Variants in SIPA1L2 observed in about 807,000 individuals in gnomAD.
The protein encoded by SIPA1L2 is signal induced proliferation associated 1 like 2, also known as signal-induced proliferation-associated 1-like protein 2.
In SIPA1L2, 56 loss-of-function variants were observed where a neutral mutation model predicts 163.9. The ratio of observed to expected loss-of-function variants is 0.34; its 90% CI spans 0.28 to 0.43. The LOEUF (loss-of-function observed/expected upper bound fraction) is 0.43, where lower values mean the gene tolerates loss of function less well. Among genes scored for constraint, SIPA1L2 ranks in the 20% least tolerant of loss-of-function variants. SIPA1L2 has a pLI of 1.00. For missense variants in SIPA1L2, 1,974 were observed against 2,193.5 expected (o/e 0.90, Z 2.00); for synonymous variants, 877 against 865.7 (o/e 1.01, Z -0.23).
At chr1:232,443,719 T>TG in intron 11 of SIPA1L2, 34 bp from the exon 12 acceptor site, 2 of 1,562,938 alleles carry the variant, frequency 1.3e-6, no homozygotes, top group South Asian at 2.3e-5. Flanking sequence ...AACAGGGCAC[T>TG]GAACTATCTG....
chr1:232,561,473 TGGGTTG>T (rs1659032049), intron 2 of SIPA1L2: 1 of 152,190 alleles, frequency 6.6e-6, no homozygotes, highest in Non-Finnish European at 1.5e-5. Flanking sequence ...CATTACCTTT[TGGGTTG>T]GAGCTGGATA....
chr1:232,503,296 T>C (rs116151911), intron 3 of SIPA1L2, among the ~76,000 whole-genome samples: 1,933 of 152,280 alleles, frequency 0.013, 46 homozygotes, highest in African/African-American at 0.043. Flanking sequence ...CTGTGGTGCA[T>C]TGTAACTGTT....
intron 2 of SIPA1L2, among the ~76,000 whole-genome samples, chr1:232,551,026 A>C (rs1053293831): frequency 2.2e-4 from 33 of 152,156 alleles, no homozygotes; most frequent in Admixed American, 6.5e-5. Context: ...AAAAAAATCA[A>C]GCCCGAATGG....
intron 16 of SIPA1L2, among the ~76,000 whole-genome samples, chr1:232,431,122 C>T (rs1662212248): frequency 1.3e-5 from 2 of 152,262 alleles, no homozygotes; most frequent in East Asian, 1.9e-4. Context: ...CATAGTACTA[C>T]GGCGACATAT....
intron 17 of SIPA1L2, 59 bp from the exon 18 acceptor site, chr1:232,425,867 C>T: frequency 6.9e-7 from 1 of 1,440,018 alleles, no homozygotes; most frequent in South Asian, 1.2e-5. Context: ...ATGCACGGGG[C>T]TTGTTGGACT....
intron 8 of SIPA1L2, 62 bp downstream of exon 8, chr1:232,471,309 G>C (rs1471908997): frequency 2.0e-5 from 30 of 1,512,760 alleles, no homozygotes; most frequent in African/African-American, 4.3e-5. Flanking sequence ...AGATATTTTT[G>C]GGAAAAGACG....
chr1:232,593,781 T>A (rs1017798982), intron 1 of SIPA1L2, among the ~76,000 whole-genome samples: 7 of 152,270 alleles, frequency 4.6e-5, no homozygotes, highest in Admixed American at 4.6e-4. Flanking sequence ...TCGTGTCAAA[T>A]AAGCAATATT....
rs906401501 is a variant in SIPA1L2, at chr1:232,464,719, T to C, written c.2820+121A>G. 2.3e-5 allele frequency: 19 copies of C among 816,316 alleles called. 1 individual carries two copies. The South Asian group carries it at 3.0e-4, about 13-fold the overall frequency. 50.6% of individuals were successfully genotyped at this position (816,316 alleles called of 1,614,324 possible). On this transcript the variant is annotated intron_variant, in intron 9 of 22. Coordinates refer to ENST00000674635, the MANE Select transcript of SIPA1L2 (RefSeq NM_020808.5). ...CATTTAAAATTAAGCTCTGTATCTG[T>C]AACAAATAGTAATGCATTCCCTAAT...
At chr1:232,412,383 G>A (rs1426647458) in intron 19 of SIPA1L2, among the ~76,000 whole-genome samples, 2 of 152,172 alleles carry the variant, frequency 1.3e-5, no homozygotes, top group African/African-American at 4.8e-5. Context: ...ATTATTCCAA[G>A]GAAGTCTGAG....
At chr1:232,420,157 A>C (rs1362283446) in intron 18 of SIPA1L2, among the ~76,000 whole-genome samples, 4 of 152,038 alleles carry the variant, frequency 2.6e-5, no homozygotes, top group African/African-American at 9.7e-5. Flanking sequence ...CCCCATTTCT[A>C]CTAAAAATAC....
chr1:232,425,854 C>T (rs773205434), intron 17 of SIPA1L2, 46 bp from the exon 18 acceptor site: 20 of 1,531,894 alleles, frequency 1.3e-5, no homozygotes, highest in Admixed American at 1.7e-5. Context: ...ATTAAAAAAA[C>T]GAATGCACGG....
intron 1 of SIPA1L2, among the ~76,000 whole-genome samples, chr1:232,591,944 T>C (rs979029856): frequency 6.6e-6 from 1 of 152,198 alleles, no homozygotes; most frequent in African/African-American, 2.4e-5. Flanking sequence ...AGCCTAAGCC[T>C]GTAAGTGCCG....
At chr1:232,466,074 G>C (rs1664497685) in intron 8 of SIPA1L2, among the ~76,000 whole-genome samples, 1 of 152,076 alleles carries the variant, frequency 6.6e-6, no homozygotes, top group Admixed American at 6.5e-5. Context: ...AACTAATACA[G>C]GGGGTAACAC....
At chr1:232,434,972 A>G (rs1662467534) in intron 15 of SIPA1L2, among the ~76,000 whole-genome samples, 1 of 152,218 alleles carries the variant, frequency 6.6e-6, no homozygotes, top group Admixed American at 6.5e-5. Context: ...CTAACAGTCC[A>G]CATGCTAGTT....
chr1:232,630,495 A>G (rs1004989160), upstream of SIPA1L2, among the ~76,000 whole-genome samples: 3 of 152,240 alleles, frequency 2.0e-5, 1 homozygote, highest in East Asian at 3.9e-4. Flanking sequence ...CCTCTGAGGA[A>G]TAAGTTAAAA....
At chr1:232,485,661 C>T (rs1665609559) in intron 5 of SIPA1L2, among the ~76,000 whole-genome samples, 1 of 152,192 alleles carries the variant, frequency 6.6e-6, no homozygotes. Context: ...CCAATTATTA[C>T]ACAGATGTTC....
In SIPA1L2 at chr1:232,443,622, T is replaced by G; in HGVS notation, c.3417A>C (p.Arg1139Ser). The part of the protein sequence containing the change: ...DPGPGGSGPW[R>S]PQVGYDGCQS... ...AGTACCCGTCGTAGCCCACTTGTGG[T>G]CTCCAGGGTCCGCTCCCGCCGGGTC... The change falls in exon 12 of 23, where the codon AGA becomes AGC. Residue 1139 changes from arginine (R) to serine (S), a missense_variant. Around this residue, in one of 3 missense-constraint regions of SIPA1L2, gnomAD observed 1,079 missense variants for 1,150.7 expected, o/e 0.94. Transcript: ENST00000674635. The G allele has an allele frequency of 1.2e-6, 2 of 1,607,198 alleles. No individual in the cohort carries two copies. The highest frequency in any genetic ancestry group is 1.3e-5 in the African/African-American group (1 of 74,760).
intron 1 of SIPA1L2, among the ~76,000 whole-genome samples, chr1:232,612,832 G>T (rs554418410): frequency 1.3e-5 from 2 of 151,900 alleles, no homozygotes; most frequent in East Asian, 1.9e-4. Context: ...GAAACGTCAG[G>T]ACATGAGATT....
At chr1:232,456,198 T>C (rs1190862830) in intron 10 of SIPA1L2, among the ~76,000 whole-genome samples, 1 of 152,194 alleles carries the variant, frequency 6.6e-6, no homozygotes, top group Non-Finnish European at 1.5e-5. Flanking sequence ...TGAGTCCAGA[T>C]TTCAGCCCAC....
Sources: allele counts gnomAD v4.1 joint callset (sites outside exome capture counted in the v4.1 genomes callset), GRCh38; gene constraint gnomAD v4.1.1; regional missense constraint gnomAD v4.1.1; transcripts MANE v1.5; gene names NCBI Gene and HGNC (gene_info 2026-07-23, HGNC 2026-07-21).